The following WWOX variants were observed in gnomAD, a reference collection of about 807,000 sequenced individuals.
The protein encoded by WWOX is WW domain containing oxidoreductase.
WWOX carries 69 observed loss-of-function variants against 46.2 expected under a neutral mutation model. The observed-to-expected ratio is 1.49, with a 90% CI of 1.23 to 1.82. The LOEUF (loss-of-function observed/expected upper bound fraction) is 1.82. Ranked by LOEUF, WWOX falls within the 40% of genes most tolerant of loss-of-function variation. The pLI is 0.00. For synonymous variants in WWOX, 359 were observed against 202.6 expected (o/e 1.77, Z -6.56); for missense variants, 919 against 542.6 (o/e 1.69, Z -6.89).
At chr16:79,140,990 C>G (rs1043530334) in intron 8 of WWOX, among the ~76,000 whole-genome samples, 1 of 152,084 alleles carries the variant, frequency 6.6e-6, no homozygotes, top group African/African-American at 2.4e-5. Flanking sequence ...AGAATATAGG[C>G]GTACGCTTAG....
intron 8 of WWOX, among the ~76,000 whole-genome samples, chr16:78,988,581 C>A (rs1016770447): frequency 2.0e-5 from 3 of 152,100 alleles, no homozygotes; most frequent in Non-Finnish European, 2.9e-5. Flanking sequence ...ATCCCCGCCC[C>A]TTCAACTCTT....
chr16:79,174,154 A>G (rs1207079306), intron 8 of WWOX, among the ~76,000 whole-genome samples: 2 of 152,220 alleles, frequency 1.3e-5, no homozygotes, highest in Admixed American at 6.5e-5. Flanking sequence ...TAGTGACGAT[A>G]CCGGGACACG....
At chr16:78,926,519 A>G (rs2045502141) in intron 8 of WWOX, among the ~76,000 whole-genome samples, 1 of 152,220 alleles carries the variant, frequency 6.6e-6, no homozygotes, top group South Asian at 2.1e-4. Flanking sequence ...AGGATGGCGA[A>G]GTCGCAGCCA....
chr16:78,250,202 CA>C (rs752125537), intron 5 of WWOX, among the ~76,000 whole-genome samples: 7 of 152,198 alleles, frequency 4.6e-5, no homozygotes, highest in African/African-American at 9.7e-5. Flanking sequence ...AAAACACACA[CA>C]GATCATTTCT....
intron 8 of WWOX, among the ~76,000 whole-genome samples, chr16:78,779,142 C>G (rs1429886246): frequency 6.6e-6 from 1 of 152,086 alleles, no homozygotes; most frequent in East Asian, 1.9e-4. Flanking sequence ...GTGACTCCAA[C>G]TTGTCTTTTT....
At chr16:79,146,224 C>G (rs1219958610) in intron 8 of WWOX, among the ~76,000 whole-genome samples, 1 of 152,096 alleles carries the variant, frequency 6.6e-6, no homozygotes, top group East Asian at 1.9e-4. Flanking sequence ...GAGGAGAAAA[C>G]AAAAAGAGTC....
chr16:79,019,720 A>C (rs1383318981), intron 8 of WWOX, among the ~76,000 whole-genome samples: 1 of 152,038 alleles, frequency 6.6e-6, no homozygotes, highest in East Asian at 1.9e-4. Context: ...ACTGAGGGGC[A>C]GACCTCTGGG....
intron 8 of WWOX, among the ~76,000 whole-genome samples, chr16:78,652,848 G>A (rs1315082424): frequency 6.6e-6 from 1 of 152,020 alleles, no homozygotes; most frequent in Admixed American, 6.6e-5. Flanking sequence ...TATATGATTG[G>A]ACCCAGGCAT....
At chr16:78,590,285 T>A (rs1010896244) in intron 8 of WWOX, among the ~76,000 whole-genome samples, 1 of 152,192 alleles carries the variant, frequency 6.6e-6, no homozygotes, top group Admixed American at 6.5e-5. Context: ...CTGCTTTCTA[T>A]CCTTCAAAAA....
At chr16:78,623,058 G>A (rs1421904672) in intron 8 of WWOX, among the ~76,000 whole-genome samples, 1 of 152,004 alleles carries the variant, frequency 6.6e-6, no homozygotes, top group East Asian at 1.9e-4. Context: ...ACCTAAGGGA[G>A]CTTGAAGGTG....
chr16:79,102,181 C>G (rs567147717), intron 8 of WWOX, among the ~76,000 whole-genome samples: 7 of 152,120 alleles, frequency 4.6e-5, no homozygotes, highest in African/African-American at 1.4e-4. Flanking sequence ...GAAATGTCAT[C>G]TGAATGTCTC....
rs544781539 is a variant in WWOX at position 78,940,683 on chromosome 16, T to G, written c.1057-270925T>G. On this transcript the variant is annotated intron_variant, in intron 8 of 8. Coordinates refer to ENST00000566780, the MANE Select transcript of WWOX (RefSeq NM_016373.4). ...TCTTTTCTTAGGTTAACTTTTTTTTTTTTTTTCCTTTTGAATGACCACAAA... is the reference window on the plus strand; with the variant it reads ...TCTTTTCTTAGGTTAACTTTTTTTTGTTTTTTCCTTTTGAATGACCACAAA... Among the ~76,000 whole-genome samples, 4 of 151,650 alleles carry G rather than the reference T, an allele frequency of 2.6e-5. No homozygotes were observed. The East Asian group carries it at 7.7e-4, about 29-fold the overall frequency.
intron 5 of WWOX, among the ~76,000 whole-genome samples, chr16:78,232,580 A>C (rs1001279045): frequency 6.6e-6 from 1 of 152,196 alleles, no homozygotes; most frequent in Non-Finnish European, 1.5e-5. Context: ...TTTTGGGTCA[A>C]GATAAGAAAA....
At chr16:79,072,904 T>C (rs2048578168) in intron 8 of WWOX, among the ~76,000 whole-genome samples, 1 of 152,162 alleles carries the variant, frequency 6.6e-6, no homozygotes, top group Non-Finnish European at 1.5e-5. Flanking sequence ...ATGAGAAGTT[T>C]AGTTGCCACT....
At chr16:78,937,473 TTA>T (rs1409103704) in intron 8 of WWOX, among the ~76,000 whole-genome samples, 19 of 124,048 alleles carry the variant, frequency 1.5e-4, no homozygotes, top group African/African-American at 5.5e-4. Flanking sequence ...TTTTTTTTTT[TTA>T]ATAGCGATGG....
chr16:79,149,366 A>G (rs985427613), intron 8 of WWOX, among the ~76,000 whole-genome samples: 1 of 152,208 alleles, frequency 6.6e-6, no homozygotes. Flanking sequence ...AGCCTTGAAG[A>G]CCTGGAATAA....
At chr16:78,457,538 T>G (rs1383131332) in intron 8 of WWOX, among the ~76,000 whole-genome samples, 1 of 152,176 alleles carries the variant, frequency 6.6e-6, no homozygotes, top group Non-Finnish European at 1.5e-5. Flanking sequence ...TGCTAAGCTT[T>G]ATTTGGGGAA....
intron 8 of WWOX, among the ~76,000 whole-genome samples, chr16:79,032,166 T>A (rs1458527469): frequency 6.9e-6 from 1 of 145,532 alleles, no homozygotes; most frequent in South Asian, 2.1e-4. Flanking sequence ...ATAAAAACTG[T>A]TTTCCTTTGT....
At chr16:78,335,729 T>G (rs1450804054) in intron 5 of WWOX, among the ~76,000 whole-genome samples, 2 of 152,212 alleles carry the variant, frequency 1.3e-5, no homozygotes, top group African/African-American at 4.8e-5. Flanking sequence ...TCCATGTGAT[T>G]CTGAGACAGA....
Sources: gnomAD v4.1 joint callset for allele counts (sites outside exome capture counted in the v4.1 genomes callset) on GRCh38, gnomAD v4.1.1 for gene constraint, MANE v1.5 for transcripts, NCBI Gene and HGNC (gene_info 2026-07-23, HGNC 2026-07-21) for gene names.